ATP8A2: variants seen among roughly 807,000 people sequenced by gnomAD.
ATP8A2 encodes the protein phospholipid-transporting ATPase IB.
A neutral mutation model predicts 165.6 loss-of-function variants in ATP8A2; 100 were observed. The ratio of observed to expected loss-of-function variants is 0.60; its 90% confidence interval spans 0.51 to 0.71. ATP8A2 has a LOEUF of 0.71. Among genes scored for constraint, ATP8A2 ranks in the 30% least tolerant of loss-of-function variants. The probability of loss-of-function intolerance (pLI) is 0.00; values close to 1 mark genes in which losing one functional copy is unlikely to be tolerated. For synonymous variants in ATP8A2, 543 were observed against 548.8 expected, an observed-to-expected ratio of 0.99 and a Z score of 0.15; for missense variants, 1,227 against 1,479.5, an observed-to-expected ratio of 0.83 and a Z score of 2.80.
At position 25,989,830 on chromosome 13, in the gene ATP8A2, C is replaced by T. The variant is rs117434979; in HGVS notation, c.3377+21151C>T. ...TTCTCATGCTTCCCGGAAGGGTGAA[C>T]TTTGGCTAAAGTCATGATTTCCACT... On this transcript the variant is annotated intron_variant, in intron 35 of 36. Transcript: ENST00000381655. Among the ~76,000 whole-genome samples, 459 of 152,312 alleles carry T rather than the reference C, an allele frequency of 3.0e-3. 2 individuals carry two copies. The highest frequency in any genetic ancestry group is 4.8e-3 in the Non-Finnish European group (328 of 68,020).
chr13:25,936,972 G>A (rs1954910257), intron 33 of ATP8A2, among the ~76,000 whole-genome samples: 1 of 152,148 alleles, frequency 6.6e-6, no homozygotes, highest in Non-Finnish European at 1.5e-5. Flanking sequence ...CACCAGAGGT[G>A]GCTTCTTGTT....
At chr13:25,505,321 T>TA (rs1385163387) in intron 2 of ATP8A2, among the ~76,000 whole-genome samples, 2 of 152,106 alleles carry the variant, frequency 1.3e-5, no homozygotes, top group Non-Finnish European at 2.9e-5. Flanking sequence ...CAAAACCACA[T>TA]AAACCCCCTT....
intron 26 of ATP8A2, among the ~76,000 whole-genome samples, chr13:25,772,759 T>A (rs538781699): frequency 6.6e-6 from 1 of 151,708 alleles, no homozygotes; most frequent in East Asian, 1.9e-4. Flanking sequence ...TTTATTTATT[T>A]ATTATTTTTT....
At chr13:25,912,959 G>A (rs1047992681) in intron 33 of ATP8A2, among the ~76,000 whole-genome samples, 3 of 152,118 alleles carry the variant, frequency 2.0e-5, no homozygotes, top group Non-Finnish European at 4.4e-5. Context: ...ATAGCCCTGC[G>A]TCTCCCTCCC....
chr13:25,648,990 A>G lies in ATP8A2; in HGVS notation c.2212-50183A>G, dbSNP rs1314843172. ...GGATTTTTCTAAATTTTTTGTCATC[A>G]TTTTATTGATCTCCCTTTCATTAGG... is the stretch of plus-strand genomic sequence containing the variant. On this transcript the variant is annotated intron_variant, in intron 24 of 36. Transcript: ENST00000381655. The G allele has an allele frequency of 3.8e-5, 19 of 499,976 alleles. No individual in the cohort carries two copies. The Admixed American group carries it at 3.9e-4, about 10-fold the overall frequency. The allele number at this position is 499,976 out of a possible 1,614,324, so 31.0% of individuals were successfully genotyped here. A position where few individuals can be genotyped will look rare whatever the true frequency, so the allele number is the denominator to read the frequency against.
intron 25 of ATP8A2, among the ~76,000 whole-genome samples, chr13:25,731,310 AC>A (rs1218366467): frequency 8.5e-4 from 96 of 112,606 alleles, no homozygotes; most frequent in South Asian, 2.5e-3. Context: ...GAAAGAAAAG[AC>A]CGGAAGGAGA....
chr13:25,598,817 G>C (rs1226022143), intron 24 of ATP8A2, among the ~76,000 whole-genome samples: 1 of 152,104 alleles, frequency 6.6e-6, no homozygotes, highest in Admixed American at 6.5e-5. Context: ...GTTATTTTGT[G>C]ATTGAGTGTC....
chr13:25,821,761 ATG>A (rs1159601160), intron 27 of ATP8A2, among the ~76,000 whole-genome samples: 1 of 152,160 alleles, frequency 6.6e-6, no homozygotes, highest in Non-Finnish European at 1.5e-5. Context: ...GCCTTGTAGG[ATG>A]TTTAGCAGCA....
intron 35 of ATP8A2, among the ~76,000 whole-genome samples, chr13:26,006,916 A>G (rs1052655950): frequency 1.3e-5 from 2 of 151,472 alleles, no homozygotes; most frequent in African/African-American, 2.4e-5. Flanking sequence ...TTAGTTTGCT[A>G]GTATTTTGTT....
chr13:25,394,681 G>T (rs2033359984), intron 1 of ATP8A2, among the ~76,000 whole-genome samples: 1 of 152,094 alleles, frequency 6.6e-6, no homozygotes, highest in Admixed American at 6.5e-5. Context: ...TGAGCTGAAG[G>T]CAATTAAGAA....
intron 30 of ATP8A2, among the ~76,000 whole-genome samples, chr13:25,841,821 C>T (rs1370110274): frequency 2.0e-5 from 3 of 152,268 alleles, no homozygotes; most frequent in South Asian, 2.1e-4. Flanking sequence ...GTATTTGGCT[C>T]ATGATTCTGG....
intron 24 of ATP8A2, among the ~76,000 whole-genome samples, chr13:25,680,370 C>T (rs1389471492): frequency 6.6e-6 from 1 of 152,098 alleles, no homozygotes; most frequent in Non-Finnish European, 1.5e-5. Context: ...CAGCCAGTCA[C>T]CAGAAGTGGG....
intron 2 of ATP8A2, among the ~76,000 whole-genome samples, chr13:25,469,455 C>A (rs569073425): frequency 2.4e-4 from 37 of 152,318 alleles, no homozygotes; most frequent in Admixed American, 9.8e-4. Context: ...CCCCTTCTAG[C>A]CTTGTTTTAA....
intron 1 of ATP8A2, among the ~76,000 whole-genome samples, chr13:25,436,141 CAG>C (rs1438704823): frequency 6.6e-6 from 1 of 151,424 alleles, no homozygotes; most frequent in East Asian, 1.9e-4. Context: ...ATTTTAGACT[CAG>C]GGGGTACATG....
At chr13:25,632,410 A>G (rs1478526696) in intron 24 of ATP8A2, among the ~76,000 whole-genome samples, 2 of 152,120 alleles carry the variant, frequency 1.3e-5, no homozygotes, top group Non-Finnish European at 2.9e-5. Flanking sequence ...GAAGCTACCT[A>G]GGGAAACCAA....
At chr13:25,900,913 A>G (rs1566252274) in intron 33 of ATP8A2, among the ~76,000 whole-genome samples, 1 of 152,240 alleles carries the variant, frequency 6.6e-6, no homozygotes, top group Non-Finnish European at 1.5e-5. Flanking sequence ...CAGGTGACAC[A>G]TGGAAGCAGC....
intron 1 of ATP8A2, among the ~76,000 whole-genome samples, chr13:25,388,709 A>G (rs552118054): frequency 1.3e-5 from 2 of 152,152 alleles, no homozygotes; most frequent in African/African-American, 4.8e-5. Context: ...TCTGCCTTTT[A>G]GTTTTTACTT....
At chr13:25,950,318 T>C (rs1421727262) in intron 33 of ATP8A2, among the ~76,000 whole-genome samples, 2 of 152,148 alleles carry the variant, frequency 1.3e-5, no homozygotes, top group East Asian at 1.9e-4. Flanking sequence ...TTCTGGGTGA[T>C]GTAAAGTAGC....
intron 1 of ATP8A2, among the ~76,000 whole-genome samples, chr13:25,376,668 G>T (rs1187434119): frequency 6.6e-6 from 1 of 152,230 alleles, no homozygotes; most frequent in Non-Finnish European, 1.5e-5. Context: ...CAACATGTTA[G>T]ATTTCTCCCA....
Sources: allele counts gnomAD v4.1 joint callset (sites outside exome capture counted in the v4.1 genomes callset), GRCh38; gene constraint gnomAD v4.1.1; transcripts MANE v1.5; gene names NCBI Gene and HGNC (gene_info 2026-07-23, HGNC 2026-07-21).